Variants in PCLO observed in about 807,000 individuals in gnomAD.
The protein encoded by PCLO is protein piccolo.
PCLO carries 82 observed loss-of-function variants against 427.5 expected under a neutral mutation model. The observed-to-expected ratio is 0.19, with a 90% CI of 0.16 to 0.23. The LOEUF is 0.23. Among genes scored for constraint, PCLO ranks in the 10% least tolerant of loss-of-function variants. The probability of loss-of-function intolerance (pLI) is 1.00; values close to 1 mark genes in which losing one functional copy is unlikely to be tolerated. For synonymous variants in PCLO, 2,357 were observed against 2,155.4 expected, an observed-to-expected ratio of 1.09 and a Z score of -2.59; for missense variants, 6,239 against 6,115.9, an observed-to-expected ratio of 1.02 and a Z score of -0.67.
Position 83,152,105 on chromosome 7 carries a change from C to A in PCLO, c.1893+2643G>T, listed in dbSNP as rs554815604. Among the ~76,000 whole-genome samples, 29 of 152,088 alleles carry A rather than the reference C, an allele frequency of 1.9e-4. No individual in the cohort carries two copies. The East Asian group carries it at 4.5e-3, about 23-fold the overall frequency. The stretch of plus-strand genomic sequence containing the variant: ...TCAGCCTCCCTAGTAGCTGGGACTA[C>A]AAGCGCCCGCCACCACGCCCGGCTA... On this transcript the variant is annotated intron_variant, in intron 2 of 24. Transcript: ENST00000333891.
At chr7:82,868,454 A>G (rs767548376) in intron 10 of PCLO, among the ~76,000 whole-genome samples, 1 of 152,216 alleles carries the variant, frequency 6.6e-6, no homozygotes, top group Non-Finnish European at 1.5e-5. Flanking sequence ...TTTTCTTGCC[A>G]GAAACCCTGT....
At chr7:83,003,626 T>C (rs1181666270) in intron 3 of PCLO, among the ~76,000 whole-genome samples, 1 of 151,964 alleles carries the variant, frequency 6.6e-6, no homozygotes, top group Non-Finnish European at 1.5e-5. Context: ...CCTTCCTCTA[T>C]TAATGTGGTG....
intron 3 of PCLO, among the ~76,000 whole-genome samples, chr7:83,093,486 A>ATG (rs1790437370): frequency 1.4e-5 from 1 of 70,402 alleles, no homozygotes; most frequent in Non-Finnish European, 2.6e-5. Flanking sequence ...AGATATATAT[A>ATG]TATATATTTT....
chr7:82,869,629 G>A (rs554180041), intron 10 of PCLO, among the ~76,000 whole-genome samples: 2 of 151,960 alleles, frequency 1.3e-5, no homozygotes, highest in South Asian at 2.1e-4. Context: ...ATCGGTGTAG[G>A]GATAGAAAAA....
At chr7:82,943,612 G>A (rs1795133507) in intron 6 of PCLO, among the ~76,000 whole-genome samples, 1 of 152,134 alleles carries the variant, frequency 6.6e-6, no homozygotes, top group South Asian at 2.1e-4. Flanking sequence ...TCTGTAGAGA[G>A]CATGCTACAC....
At chr7:83,042,287 A>G (rs1788990681) in intron 3 of PCLO, among the ~76,000 whole-genome samples, 1 of 152,178 alleles carries the variant, frequency 6.6e-6, no homozygotes, top group South Asian at 2.1e-4. Context: ...GTATCTCTGC[A>G]TTGAAAAACA....
rs1170217421 is a variant in PCLO at position 82,820,753 on chromosome 7, C to T, written c.14791+1742G>A. ...ATCCACATTCCAACTGGTAGGCTAA[C>T]TTGAACTGTGAGCAATTTAAACTTT... On this transcript the variant is annotated intron_variant, in intron 20 of 24. Coordinates refer to ENST00000333891, the MANE Select transcript of PCLO (RefSeq NM_033026.6). 1.9e-5 allele frequency: 24 copies of T among 1,231,352 alleles called. No homozygotes were observed. In the South Asian group the frequency reaches 4.1e-4, roughly 21 times the overall value. 76.3% of individuals were successfully genotyped at this position (1,231,352 alleles called of 1,614,324 possible).
intron 6 of PCLO, among the ~76,000 whole-genome samples, chr7:82,922,990 T>A (rs979212088): frequency 6.6e-6 from 1 of 152,032 alleles, no homozygotes; most frequent in Non-Finnish European, 1.5e-5. Flanking sequence ...GCCCTTTATT[T>A]AGGTGGTAGA....
In PCLO at chr7:82,845,386, A is replaced by G. The variant is rs1379463759; in HGVS notation, c.13931T>C (p.Val4644Ala). The G allele has an allele frequency of 1.9e-6, 3 of 1,613,334 alleles. No individual in the cohort carries two copies. In the African/African-American group the frequency reaches 4.0e-5, roughly 22 times the overall value. The part of the protein sequence containing the change: ...QQSPLVLSSV[V>A]EKGSHVHSGP... ...TGAATGAACATGAGATCCTTTTTCA[A>G]CAACTGATGACAGAACCAGCGGTGA... Residue 4644 changes from valine to alanine, a missense_variant, in exon 13 of 25, where the codon GTT (valine) becomes GCT (alanine). Val to Ala is a moderately conservative substitution (Grantham distance 64). This residue lies in a region of PCLO where 877 missense variants were observed against 925.5 expected (regional missense o/e 0.95). Coordinates refer to ENST00000333891, the MANE Select transcript of PCLO (RefSeq NM_033026.6).
At chr7:83,148,315 T>A (rs917032626) in intron 2 of PCLO, among the ~76,000 whole-genome samples, 1 of 152,178 alleles carries the variant, frequency 6.6e-6, no homozygotes, top group Non-Finnish European at 1.5e-5. Context: ...CATCCCTCTC[T>A]TGGAACATAC....
At chr7:83,070,326 C>A (rs780415258) in intron 3 of PCLO, among the ~76,000 whole-genome samples, 1 of 152,026 alleles carries the variant, frequency 6.6e-6, no homozygotes, top group Admixed American at 6.6e-5. Flanking sequence ...AACCTTCTTC[C>A]GACATTCTTG....
intron 3 of PCLO, among the ~76,000 whole-genome samples, chr7:83,040,910 A>G (rs1005643624): frequency 2.0e-5 from 3 of 152,142 alleles, no homozygotes; most frequent in Admixed American, 2.0e-4. Context: ...CACTCCATAA[A>G]TGTATGTAAT....
chr7:82,953,262 T>G lies in PCLO; in HGVS notation c.7691A>C (p.His2564Pro). Reference sequence around the variant, plus strand: ...AAATCTTGGTGAAGACTTGTTGGAGTGTGGGGAAAGTGGGGAGGTAGGGGA... The same window carrying G: ...AAATCTTGGTGAAGACTTGTTGGAGGGTGGGGAAAGTGGGGAGGTAGGGGA... ...LPSPTSPLSP[H>P]SNKSSPRFSK... Residue 2564 changes from histidine (H) to proline (P), a missense_variant, in exon 5 of 25, where the codon CAC becomes CCC. Coordinates refer to ENST00000333891, the MANE Select transcript of PCLO (RefSeq NM_033026.6). 1 of 1,613,524 alleles carries G rather than the reference T, an allele frequency of 6.2e-7. No individual in the cohort carries two copies. Among genetic ancestry groups the G allele is most frequent in the Non-Finnish European group, 8.5e-7 (1 of 1,179,788 alleles).
At chr7:83,068,931 C>T (rs1210191362) in intron 3 of PCLO, among the ~76,000 whole-genome samples, 3 of 152,114 alleles carry the variant, frequency 2.0e-5, no homozygotes, top group Admixed American at 2.0e-4. Flanking sequence ...ATAATACACA[C>T]ACATACACAG....
chr7:83,092,376 G>A (rs370442401), intron 3 of PCLO, among the ~76,000 whole-genome samples: 16 of 130,728 alleles, frequency 1.2e-4, no homozygotes, highest in African/African-American at 4.2e-4. Flanking sequence ...CTACTTGAGA[G>A]TGAAGACCCA....
intron 10 of PCLO, among the ~76,000 whole-genome samples, chr7:82,849,742 A>G (rs1792600105): frequency 6.6e-6 from 1 of 152,132 alleles, no homozygotes; most frequent in Admixed American, 6.6e-5. Flanking sequence ...GAAAATTATT[A>G]TGATCTGTGG....
chr7:82,778,843 T>C, intron 22 of PCLO, among the ~76,000 whole-genome samples: 1 of 152,078 alleles, frequency 6.6e-6, no homozygotes, highest in East Asian at 1.9e-4. Context: ...ATTATACCTG[T>C]GCTGTACTAA....
At chr7:83,082,705 C>T (rs891311382) in intron 3 of PCLO, among the ~76,000 whole-genome samples, 1 of 151,408 alleles carries the variant, frequency 6.6e-6, no homozygotes. Flanking sequence ...CTAATTACTC[C>T]GATTTGATCA....
rs745824155 is a variant in PCLO, at chr7:83,093,472, G to GTGTGTGTGTGTATA, written c.3300+40777_3300+40778insTATACACACACACA. Among the ~76,000 whole-genome samples the GTGTGTGTGTGTATA allele has an allele frequency of 1.5e-3, 150 of 99,072 alleles. 11 individuals carry two copies. The highest frequency in any genetic ancestry group is 7.3e-3 in the Admixed American group (59 of 8,122). The allele number at this position is 99,072 out of a possible 152,430, so 65.0% of individuals were successfully genotyped here. On this transcript the variant is annotated intron_variant, in intron 3 of 24. Coordinates refer to ENST00000333891, the MANE Select transcript of PCLO (RefSeq NM_033026.6). ...ACCACAAACATATATATGTGTGTGT[G>GTGTGTGTGTGTATA]TATAGATATATATATATATATTTTT...
Sources: allele counts gnomAD v4.1 joint callset (sites outside exome capture counted in the v4.1 genomes callset), GRCh38; gene constraint gnomAD v4.1.1; regional missense constraint gnomAD v4.1.1; transcripts MANE v1.5; gene names NCBI Gene and HGNC (gene_info 2026-07-23, HGNC 2026-07-21).